The following TBCE variants were observed in gnomAD, a reference collection of about 807,000 sequenced individuals.
TBCE encodes the protein tubulin folding cofactor E.
Under a neutral mutation model 77.0 loss-of-function variants are expected in TBCE, and 53 were observed. That is an observed-to-expected ratio of 0.69 (90% CI 0.55 to 0.87). The LOEUF is 0.87. Ranked by LOEUF, TBCE falls within the 40% of genes least tolerant of loss-of-function variation. TBCE has a pLI of 0.00. For synonymous variants in TBCE, 235 were observed against 241.3 expected (o/e 0.97, Z 0.24); for missense variants, 624 against 622.4 (o/e 1.00, Z -0.03).
rs550837792 is a variant in TBCE, at chr1:235,448,961, C to A, written c.*199C>A. The A allele has an allele frequency of 2.5e-4, 129 of 513,606 alleles. No homozygotes were observed. Among genetic ancestry groups the A allele is most frequent in the African/African-American group, 2.5e-3 (129 of 51,946 alleles). 31.8% of individuals were successfully genotyped at this position (513,606 alleles called of 1,614,324 possible). A position where few individuals can be genotyped will look rare whatever the true frequency, so the allele number is the denominator to read the frequency against. The stretch of plus-strand genomic sequence containing the variant: ...TAATAGCAATAATAAAGGCTTTGAA[C>A]CTACTAATGATTTTCTGATCTTATT... On this transcript the variant is annotated 3_prime_UTR_variant, in exon 17 of 17. Transcript: ENST00000642610.
At chr1:235,388,509 G>T (rs181595055) in intron 2 of TBCE, among the ~76,000 whole-genome samples, 19 of 151,920 alleles carry the variant, frequency 1.3e-4, no homozygotes, top group Non-Finnish European at 2.8e-4. Flanking sequence ...GGCTGGTCTC[G>T]AACTCCTGAC....
chr1:235,419,637 C>T, intron 5 of TBCE, 76 bp downstream of exon 5: 1 of 1,587,950 alleles, frequency 6.3e-7, no homozygotes, highest in Non-Finnish European at 8.6e-7. Flanking sequence ...TGCTAATTGC[C>T]TACCCATTGT....
chr1:235,436,010 C>T (rs1455546723), intron 9 of TBCE, 170 bp downstream of exon 9: 7 of 661,272 alleles, frequency 1.1e-5, no homozygotes, highest in Non-Finnish European at 1.6e-5. Flanking sequence ...AGAAAATTTA[C>T]TTGTGAACCC....
intron 2 of TBCE, among the ~76,000 whole-genome samples, chr1:235,392,591 G>A (rs34209729): frequency 0.16 from 24,593 of 150,218 alleles, 2,783 homozygotes; most frequent in African/African-American, 0.32. Context: ...TTGTATTATT[G>A]GTAGAGATGG....
At chr1:235,387,287 A>T (rs9727206) in intron 2 of TBCE, among the ~76,000 whole-genome samples, 84,221 of 151,942 alleles carry the variant, frequency 0.55, 23,511 homozygotes, top group East Asian at 0.62. Flanking sequence ...CTGTTCTCAG[A>T]TCTCCAGCTG....
At chr1:235,435,436 A>G (rs1447406876) in intron 8 of TBCE, among the ~76,000 whole-genome samples, 2 of 150,582 alleles carry the variant, frequency 1.3e-5, no homozygotes, top group Non-Finnish European at 2.9e-5. Flanking sequence ...TTATTTTGAG[A>G]TAATCATATA....
At chr1:235,412,894 C>T (rs1320970559) in intron 3 of TBCE, among the ~76,000 whole-genome samples, 3 of 152,176 alleles carry the variant, frequency 2.0e-5, no homozygotes, top group Non-Finnish European at 4.4e-5. Context: ...ACCTCTGCCT[C>T]CCGGGTTCAA....
At position 235,451,521 on chromosome 1, in the gene TBCE, C is replaced by T. The variant is rs182830111; in HGVS notation, c.*2759C>T. ...CGCATCAGAAAACAAGCGCCATGAA[C>T]AACAGTTGTAGAAACAACAAACTGC... is the stretch of plus-strand genomic sequence containing the variant. On this transcript the variant is annotated 3_prime_UTR_variant, in exon 17 of 17. Coordinates refer to ENST00000642610, the MANE Select transcript of TBCE (RefSeq NM_003193.5). 23 of 133,670 alleles carry T rather than the reference C, an allele frequency of 1.7e-4. No individual in the cohort carries two copies. Among genetic ancestry groups the T allele is most frequent in the African/African-American group, 6.2e-4 (22 of 35,760 alleles). 8.3% of individuals were successfully genotyped at this position (133,670 alleles called of 1,614,324 possible).
Position 235,400,408 on chromosome 1 carries a change from C to CTTTTTT in TBCE, c.101-1090_101-1085dup, listed in dbSNP as rs71174425. 1.2e-4 allele frequency among the ~76,000 whole-genome samples: 13 copies of CTTTTTT among 106,026 alleles called. 2 individuals carry two copies. The highest frequency in any genetic ancestry group is 2.6e-4 in the African/African-American group (6 of 23,456). 69.6% of individuals were successfully genotyped at this position (106,026 alleles called of 152,430 possible). ...ATTGAAGGAAAAAATTATTTTTCCTCTTTTTTTTTTGAGATGGAGTCTCGC... is the reference window on the plus strand; with the variant it reads ...ATTGAAGGAAAAAATTATTTTTCCTCTTTTTTTTTTTTTTTTGAGATGGAGTCTCGC... On this transcript the variant is annotated intron_variant, in intron 2 of 16. Transcript: ENST00000642610.
chr1:235,440,516 C>T (rs1373619287), intron 13 of TBCE, among the ~76,000 whole-genome samples: 1 of 152,092 alleles, frequency 6.6e-6, no homozygotes, highest in Non-Finnish European at 1.5e-5. Context: ...CTTCAGCCTC[C>T]TGAGAAGCTG....
intron 2 of TBCE, among the ~76,000 whole-genome samples, chr1:235,389,150 T>C (rs1678216276): frequency 6.6e-6 from 1 of 152,212 alleles, no homozygotes; most frequent in African/African-American, 2.4e-5. Context: ...GTAATATAGA[T>C]AAAAGTTTTT....
chr1:235,375,081 C>T (rs1053881305), intron 1 of TBCE, among the ~76,000 whole-genome samples: 7 of 150,812 alleles, frequency 4.6e-5, no homozygotes, highest in Non-Finnish European at 1.0e-4. Flanking sequence ...CCACCACGCC[C>T]GGCTAATTTT....
chr1:235,438,801 T>G lies in TBCE; in HGVS notation c.1149T>G (p.Leu383=). ...ILPEERRRAE[L]DYRKAFGNEW... is the part of the protein sequence containing the mutation. Reference sequence around the variant, plus strand: ...CCGAGGAGAGGCGGAGAGCTGAGCTTGACTACCGAAAAGCTTTTGGAAATG... The same window carrying G: ...CCGAGGAGAGGCGGAGAGCTGAGCTGGACTACCGAAAAGCTTTTGGAAATG... Residue 383 remains leucine, a synonymous_variant, in exon 13 of 17, where the codon CTT becomes CTG. Coordinates refer to ENST00000642610, the MANE Select transcript of TBCE (RefSeq NM_003193.5). 6.2e-7 allele frequency: 1 copy of G among 1,614,122 alleles called. No individual in the cohort carries two copies. Among genetic ancestry groups the G allele is most frequent in the Non-Finnish European group, 8.5e-7 (1 of 1,180,030 alleles).
At chr1:235,373,431 G>C (rs1001512880) in intron 1 of TBCE, among the ~76,000 whole-genome samples, 1 of 151,116 alleles carries the variant, frequency 6.6e-6, no homozygotes, top group Non-Finnish European at 1.5e-5. Context: ...AGAAAAAAAA[G>C]AATGTAACGT....
chr1:235,389,243 A>C (rs562988194), intron 2 of TBCE, among the ~76,000 whole-genome samples: 16 of 152,340 alleles, frequency 1.1e-4, no homozygotes, highest in African/African-American at 3.8e-4. Flanking sequence ...CACTTTCTTC[A>C]TGCATGTTTT....
intron 14 of TBCE, among the ~76,000 whole-genome samples, chr1:235,442,236 T>A (rs938958993): frequency 5.3e-5 from 8 of 152,144 alleles, no homozygotes; most frequent in Non-Finnish European, 8.8e-5. Context: ...AGTGGCACGA[T>A]CTTGGCTCAC....
At chr1:235,436,485 C>A in intron 10 of TBCE, 35 bp downstream of exon 10, 2 of 1,610,374 alleles carry the variant, frequency 1.2e-6, no homozygotes, top group Non-Finnish European at 1.7e-6. Context: ...CACTGCCCCC[C>A]CACACTATAC....
In TBCE at chr1:235,442,802, T is replaced by G. The variant is rs191932606; in HGVS notation, c.1340-50T>G. 22 of 1,566,252 alleles carry G rather than the reference T, an allele frequency of 1.4e-5. No homozygotes were observed. In the African/African-American group the frequency reaches 2.4e-4, roughly 17 times the overall value. On this transcript the variant is annotated intron_variant, in intron 14 of 16. Transcript: ENST00000642610. ...TGTTGATGTGTGTGGATAATTTAAA[T>G]CCATATAATAGTAGATATCAATTAG...
At chr1:235,385,192 T>C (rs1195160475) in intron 2 of TBCE, among the ~76,000 whole-genome samples, 1 of 152,206 alleles carries the variant, frequency 6.6e-6, no homozygotes, top group Non-Finnish European at 1.5e-5. Context: ...CAGTTTGTTA[T>C]AATGTCTGAT....
Sources: allele counts gnomAD v4.1 joint callset (sites outside exome capture counted in the v4.1 genomes callset), GRCh38; gene constraint gnomAD v4.1.1; transcripts MANE v1.5; gene names NCBI Gene and HGNC (gene_info 2026-07-23, HGNC 2026-07-21).